Variants in SDHAF3 observed in about 807,000 individuals in gnomAD.
SDHAF3 encodes the protein succinate dehydrogenase complex assembly factor 3.
Under a neutral mutation model 11.5 loss-of-function variants are expected in SDHAF3, and 18 were observed. The observed-to-expected ratio is 1.56, with a 90% CI of 1.08 to 2.32. The LOEUF is 2.32. SDHAF3 is among the 30% of genes most tolerant of loss of function. The pLI is 0.00. For missense variants in SDHAF3, 200 were observed against 154.4 expected (o/e 1.30, Z -1.57); for synonymous variants, 72 against 59.3 (o/e 1.21, Z -0.99).
chr7:97,127,108 G>C (rs1791588996), intron 1 of SDHAF3, among the ~76,000 whole-genome samples: 1 of 152,156 alleles, frequency 6.6e-6, no homozygotes, highest in Non-Finnish European at 1.5e-5. Flanking sequence ...TGCTGCTTCT[G>C]CTCGCCCTCC....
chr7:97,141,583 T>C (rs900024690), intron 1 of SDHAF3, among the ~76,000 whole-genome samples: 6 of 152,136 alleles, frequency 3.9e-5, no homozygotes, highest in Non-Finnish European at 7.4e-5. Context: ...TGGCGCCCGA[T>C]GTGGGGCTCG....
chr7:97,138,204 G>A (rs1031690901), intron 1 of SDHAF3, among the ~76,000 whole-genome samples: 2 of 148,386 alleles, frequency 1.3e-5, no homozygotes, highest in Non-Finnish European at 3.0e-5. Context: ...TTGTTTCCCA[G>A]GCTGGAGTGC....
At chr7:97,144,860 A>T (rs186345603) in intron 1 of SDHAF3, among the ~76,000 whole-genome samples, 1 of 152,190 alleles carries the variant, frequency 6.6e-6, no homozygotes, top group East Asian at 1.9e-4. Context: ...TGATATTTTG[A>T]TGGGGATTGC....
chr7:97,167,044 A>ATTTTTTT (rs71131005), intron 1 of SDHAF3, among the ~76,000 whole-genome samples: 5 of 147,684 alleles, frequency 3.4e-5, no homozygotes, highest in African/African-American at 5.0e-5. Context: ...ACTTTCAGTG[A>ATTTTTTT]TTTTTTTTTT....
At chr7:97,121,854 G>GTTTTTTTTTTTT (rs56186976) in intron 1 of SDHAF3, among the ~76,000 whole-genome samples, 14 of 129,928 alleles carry the variant, frequency 1.1e-4, no homozygotes, top group Middle Eastern at 4.0e-3. Context: ...TTTTTTTTTT[G>GTTTTTTTTTTTT]TTTTTTTTTT....
intron 1 of SDHAF3, among the ~76,000 whole-genome samples, chr7:97,174,233 A>G (rs1789647687): frequency 6.6e-6 from 1 of 152,176 alleles, no homozygotes. Flanking sequence ...TCAAATAAGA[A>G]AGTATTATAA....
chr7:97,159,041 C>T (rs191393971), intron 1 of SDHAF3, among the ~76,000 whole-genome samples: 62 of 152,286 alleles, frequency 4.1e-4, no homozygotes, highest in Admixed American at 4.0e-3. Context: ...TAAAGTTACA[C>T]ATTTTTATTT....
At chr7:97,155,047 T>G (rs1789281614) in intron 1 of SDHAF3, among the ~76,000 whole-genome samples, 2 of 152,162 alleles carry the variant, frequency 1.3e-5, no homozygotes, top group African/African-American at 2.4e-5. Flanking sequence ...TCAGAAAGAG[T>G]TACTCCTTTC....
chr7:97,136,286 A>C (rs754617237), intron 1 of SDHAF3: 2 of 480,486 alleles, frequency 4.2e-6, no homozygotes, highest in Non-Finnish European at 7.5e-6. Context: ...TTACTAATTA[A>C]AAGAGTTCTT....
chr7:97,126,145 G>C (rs1294610684), intron 1 of SDHAF3, among the ~76,000 whole-genome samples: 1 of 152,232 alleles, frequency 6.6e-6, no homozygotes, highest in Non-Finnish European at 1.5e-5. Flanking sequence ...GAACAGCAAA[G>C]ATTGCTGCCT....
intron 1 of SDHAF3, among the ~76,000 whole-genome samples, chr7:97,141,757 G>A (rs1789047647): frequency 6.6e-6 from 1 of 152,096 alleles, no homozygotes; most frequent in African/African-American, 2.4e-5. Flanking sequence ...GCCTCCCAAA[G>A]TGCTGGGATT....
chr7:97,141,013 T>C (rs1256200318), intron 1 of SDHAF3, among the ~76,000 whole-genome samples: 2 of 152,248 alleles, frequency 1.3e-5, no homozygotes, highest in Non-Finnish European at 2.9e-5. Context: ...AGAAAGAGAA[T>C]GCATCCCTGA....
At chr7:97,121,542 T>C (rs1337449899) in intron 1 of SDHAF3, among the ~76,000 whole-genome samples, 1 of 152,254 alleles carries the variant, frequency 6.6e-6, no homozygotes, top group Non-Finnish European at 1.5e-5. Flanking sequence ...CAGATAGTTT[T>C]GATCACTTAC....
intron 1 of SDHAF3, among the ~76,000 whole-genome samples, chr7:97,138,339 T>G (rs1038628768): frequency 1.3e-5 from 2 of 151,844 alleles, no homozygotes; most frequent in Non-Finnish European, 2.9e-5. Context: ...TTTTGTGCGT[T>G]TTTAGTAGAG....
At chr7:97,138,080 G>C (rs1038375997) in intron 1 of SDHAF3, among the ~76,000 whole-genome samples, 1 of 151,166 alleles carries the variant, frequency 6.6e-6, no homozygotes, top group Admixed American at 6.6e-5. Context: ...GGCTAGTCTC[G>C]AACTCCTGAC....
intron 1 of SDHAF3, among the ~76,000 whole-genome samples, chr7:97,158,926 A>G (rs1051183099): frequency 1.3e-5 from 2 of 152,234 alleles, no homozygotes; most frequent in Non-Finnish European, 2.9e-5. Context: ...AAAAATGTAT[A>G]CACGTGTAAA....
At chr7:97,133,313 C>T (rs937530316) in intron 1 of SDHAF3, among the ~76,000 whole-genome samples, 1 of 152,086 alleles carries the variant, frequency 6.6e-6, no homozygotes, top group Non-Finnish European at 1.5e-5. Flanking sequence ...TTAAGAACTT[C>T]TTTGACTTCA....
chr7:97,138,194 T>C (rs1788961789), intron 1 of SDHAF3, among the ~76,000 whole-genome samples: 1 of 150,352 alleles, frequency 6.7e-6, no homozygotes, highest in African/African-American at 2.4e-5. Flanking sequence ...GACAGAGTCT[T>C]TGTTTCCCAG....
In SDHAF3 at chr7:97,145,055, T is replaced by TG. The variant is rs531597932; in HGVS notation, c.174+27158_174+27159insG. ...TATATTCCTAAGTATTTTTTGTTTT[T>TG]TTTTTTTTGCAGCTATTGTAAAAGG... is the stretch of plus-strand genomic sequence containing the variant. On this transcript the variant is annotated intron_variant, in intron 1 of 1. Coordinates refer to ENST00000432641, the MANE Select transcript of SDHAF3 (RefSeq NM_020186.3). 2.0e-4 allele frequency among the ~76,000 whole-genome samples: 30 copies of TG among 150,174 alleles called. No homozygotes were observed. The East Asian group carries it at 5.8e-3, about 29-fold the overall frequency.
Sources: gnomAD v4.1 joint callset for allele counts (sites outside exome capture counted in the v4.1 genomes callset) on GRCh38, gnomAD v4.1.1 for gene constraint, MANE v1.5 for transcripts, NCBI Gene and HGNC (gene_info 2026-07-23, HGNC 2026-07-21) for gene names.